The following PTPRJ variants were observed in gnomAD, a reference collection of about 807,000 sequenced individuals.
PTPRJ encodes protein tyrosine phosphatase receptor type J.
In PTPRJ, 129 loss-of-function variants were observed where a neutral mutation model predicts 141.3. The observed-to-expected ratio is 0.91, with a 90% CI of 0.79 to 1.06. The LOEUF is 1.06. Among genes scored for constraint, PTPRJ ranks in the 50% least tolerant of loss-of-function variants. The probability of loss-of-function intolerance (pLI) is 0.00; values close to 1 mark genes in which losing one functional copy is unlikely to be tolerated. For synonymous variants in PTPRJ, 610 were observed against 640.5 expected, an observed-to-expected ratio of 0.95 and a Z score of 0.72; for missense variants, 1,601 against 1,679.7, an observed-to-expected ratio of 0.95 and a Z score of 0.82.
chr11:48,050,731 G>A (rs947628874), intron 1 of PTPRJ, among the ~76,000 whole-genome samples: 1 of 151,436 alleles, frequency 6.6e-6, no homozygotes, highest in African/African-American at 2.4e-5. Context: ...TTTTTTTTCT[G>A]ATGATAAAAT....
rs1854709334 is a variant in PTPRJ at position 48,054,766 on chromosome 11, A to C, written c.97-55292A>C. Among the ~76,000 whole-genome samples, 3 of 151,634 alleles carry C rather than the reference A, an allele frequency of 2.0e-5. No individual in the cohort carries two copies. The South Asian group carries it at 6.3e-4, about 32-fold the overall frequency. ...CACGGAGTCTGTTTTATATGAGAAC[A>C]AGTTATTTAACTCCTCTGAGTGTTA... On this transcript the variant is annotated intron_variant, in intron 1 of 24. Transcript: ENST00000418331.
At chr11:48,042,759 G>GTTGT (rs763730347) in intron 1 of PTPRJ, among the ~76,000 whole-genome samples, 2 of 146,494 alleles carry the variant, frequency 1.4e-5, no homozygotes, top group African/African-American at 5.1e-5. Flanking sequence ...TGTGTGTAGG[G>GTTGT]GTGTGTGTGT....
At chr11:48,103,821 C>T (rs1353981808) in intron 1 of PTPRJ, among the ~76,000 whole-genome samples, 1 of 152,230 alleles carries the variant, frequency 6.6e-6, no homozygotes, top group Non-Finnish European at 1.5e-5. Flanking sequence ...GGCTGTGCGT[C>T]TCAAAGTCCA....
rs182028904 is a variant in PTPRJ at position 48,020,602 on chromosome 11, G to A, written c.96+39594G>A. The stretch of plus-strand genomic sequence containing the variant: ...CAGAGTGAAGGCTCAGACTGCAGCC[G>A]GACATGGCTCAGTTACCCTAGGTGG... On this transcript the variant is annotated intron_variant, in intron 1 of 24. Transcript: ENST00000418331. 3.9e-5 allele frequency among the ~76,000 whole-genome samples: 6 copies of A among 152,274 alleles called. 1 individual carries two copies. The highest frequency in any genetic ancestry group is 3.9e-4 in the East Asian group (2 of 5,192).
At position 48,022,231 on chromosome 11, in the gene PTPRJ, G is replaced by A. The variant is rs1855145165; in HGVS notation, c.96+41223G>A. 2.0e-5 allele frequency among the ~76,000 whole-genome samples: 3 copies of A among 152,112 alleles called. No homozygotes were observed. In the South Asian group the frequency reaches 6.2e-4, roughly 32 times the overall value. ...GTAAATCCTAGCACTTTGGGAGGCC[G>A]AGGCAGGCAGATCACCTGAGGTCAG... On this transcript the variant is annotated intron_variant, in intron 1 of 24. Transcript: ENST00000418331.
chr11:48,060,180 T>C (rs552774130), intron 1 of PTPRJ, among the ~76,000 whole-genome samples: 3 of 152,370 alleles, frequency 2.0e-5, no homozygotes, highest in South Asian at 2.1e-4. Context: ...TTTTTGCCAT[T>C]AGTAAAATTT....
intron 8 of PTPRJ, among the ~76,000 whole-genome samples, chr11:48,134,100 T>A (rs1857034956): frequency 6.6e-6 from 1 of 152,208 alleles, no homozygotes; most frequent in South Asian, 2.1e-4. Flanking sequence ...AGATGATAAA[T>A]ATTATGGTAT....
Position 48,069,510 on chromosome 11 carries a change from C to T in PTPRJ, c.97-40548C>T, listed in dbSNP as rs546099457. ...TGGTGCCCAGGCTGAAGTGCAATGG[C>T]GCAATCTTGGCTCACTGCAAGCTCC... On this transcript the variant is annotated intron_variant, in intron 1 of 24. Transcript: ENST00000418331. 1.9e-3 allele frequency among the ~76,000 whole-genome samples: 263 copies of T among 140,140 alleles called. 1 individual carries two copies. The highest frequency in any genetic ancestry group is 5.5e-3 in the Admixed American group (74 of 13,364). 91.9% of individuals were successfully genotyped at this position (140,140 alleles called of 152,430 possible).
In PTPRJ at chr11:48,110,220, T is replaced by G; in HGVS notation, c.115+144T>G. 5.9e-6 allele frequency: 6 copies of G among 1,011,556 alleles called. No individual in the cohort carries two copies. In the South Asian group the frequency reaches 1.0e-4, roughly 17 times the overall value. 62.7% of individuals were successfully genotyped at this position (1,011,556 alleles called of 1,614,324 possible). ...TTTCTTTTTCTTTTTCTTTTCTTTT[T>G]TTTTGAGTTGGAGCCTCGCTCTGTA... On this transcript the variant is annotated intron_variant, in intron 2 of 24. Transcript: ENST00000418331.
At chr11:48,109,964 C>T in intron 1 of PTPRJ, 94 bp from the exon 2 acceptor site, 3 of 1,395,116 alleles carry the variant, frequency 2.2e-6, no homozygotes, top group Non-Finnish European at 2.0e-6. Flanking sequence ...TACCACCCCA[C>T]CCCCATTATT....
chr11:48,152,370 G>A (rs1309158290), intron 18 of PTPRJ, among the ~76,000 whole-genome samples: 1 of 152,020 alleles, frequency 6.6e-6, no homozygotes, highest in Non-Finnish European at 1.5e-5. Flanking sequence ...TGGGTAGATT[G>A]CAAAAATTTT....
At position 48,112,838 on chromosome 11, in the gene PTPRJ, TAAACAG is replaced by T; in HGVS notation, c.210_215del (p.Lys70_Gln71del). 2 of 1,614,150 alleles carry T rather than the reference TAAACAG, an allele frequency of 1.2e-6. No individual in the cohort carries two copies. Among genetic ancestry groups the T allele is most frequent in the Non-Finnish European group, 1.7e-6 (2 of 1,179,998 alleles). On this transcript the variant is annotated inframe_deletion, in exon 3 of 25. Coordinates refer to ENST00000418331, the MANE Select transcript of PTPRJ (RefSeq NM_002843.4). Reference sequence around the variant, plus strand: ...TCAGCAGTACAGCAGAATCCTTTCATAAACAGAATGGAACTGGAACACCTCAGGTGG... The same window carrying T: ...TCAGCAGTACAGCAGAATCCTTTCATAATGGAACTGGAACACCTCAGGTGG...
chr11:48,129,415 C>T (rs868253222), intron 7 of PTPRJ, among the ~76,000 whole-genome samples: 1 of 152,134 alleles, frequency 6.6e-6, no homozygotes, highest in Non-Finnish European at 1.5e-5. Context: ...CCCTCATCTC[C>T]CTTTATAAGG....
chr11:48,147,592 G>A (rs1857382257), intron 15 of PTPRJ, among the ~76,000 whole-genome samples: 1 of 152,184 alleles, frequency 6.6e-6, no homozygotes, highest in South Asian at 2.1e-4. Context: ...CCCTTCCAAG[G>A]ATGCAGAAGC....
chr11:47,990,787 G>A (rs772954069), intron 1 of PTPRJ, among the ~76,000 whole-genome samples: 2 of 149,624 alleles, frequency 1.3e-5, no homozygotes, highest in Non-Finnish European at 3.0e-5. Flanking sequence ...CCGGGTTCAC[G>A]CCGTTCTCCT....
In PTPRJ at chr11:48,168,285, G is replaced by A. The variant is rs1221011004; in HGVS notation, c.*923G>A. The stretch of plus-strand genomic sequence containing the variant: ...CTGTATTATCCTTTTTCTCATGTCT[G>A]TATTTGGTATGAAGGATTATTTAAA... On this transcript the variant is annotated 3_prime_UTR_variant, in exon 25 of 25. Transcript: ENST00000418331. The A allele has an allele frequency of 6.6e-6, 1 of 151,816 alleles. No individual in the cohort carries two copies. 9.4% of individuals were successfully genotyped at this position (151,816 alleles called of 1,614,324 possible).
chr11:48,139,714 C>T lies in PTPRJ; in HGVS notation c.2381C>T (p.Thr794Ile). The T allele has an allele frequency of 6.2e-7, 1 of 1,614,178 alleles. No individual in the cohort carries two copies. Among genetic ancestry groups the T allele is most frequent in the Non-Finnish European group, 8.5e-7 (1 of 1,180,034 alleles). Residue 794 changes from threonine to isoleucine, a missense_variant, in exon 11 of 25, where the codon ACC (threonine) becomes ATC (isoleucine). Physicochemically the swap from Thr to Ile is moderately conservative, Grantham distance 89 (BLOSUM62 -1). Coordinates refer to ENST00000418331, the MANE Select transcript of PTPRJ (RefSeq NM_002843.4). ...NFSTSYNISI[T>I]TVSCGKMAAP... ...TCTACCTCGTACAACATCAGCATCA[C>T]CACTGTGTCCTGTGGAAAGATGGCA...
chr11:48,126,601 G>A (rs1856837879), intron 6 of PTPRJ, among the ~76,000 whole-genome samples: 1 of 151,958 alleles, frequency 6.6e-6, no homozygotes, highest in African/African-American at 2.4e-5. Context: ...TGGTTGAAGG[G>A]GTGAGGGCGT....
At chr11:48,025,887 TG>T (rs1565263925) in intron 1 of PTPRJ, among the ~76,000 whole-genome samples, 1 of 152,208 alleles carries the variant, frequency 6.6e-6, no homozygotes, top group African/African-American at 2.4e-5. Flanking sequence ...TCCCAAGACA[TG>T]CTGCACTTTC....
Sources: allele counts gnomAD v4.1 joint callset (sites outside exome capture counted in the v4.1 genomes callset), GRCh38; gene constraint gnomAD v4.1.1; transcripts MANE v1.5; gene names NCBI Gene and HGNC (gene_info 2026-07-23, HGNC 2026-07-21).